The following RAP1B variants were observed in gnomAD, a reference collection of about 807,000 sequenced individuals.
RAP1B encodes ras-related protein Rap-1b.
A neutral mutation model predicts 27.5 loss-of-function variants in RAP1B; 1 was observed. That is an observed-to-expected ratio of 0.04 (90% CI 0.01 to 0.17). The LOEUF is 0.17. RAP1B is among the 10% of genes least tolerant of loss of function. The pLI is 1.00. For synonymous variants in RAP1B, 75 were observed against 73.1 expected (o/e 1.03, Z -0.13); for missense variants, 84 against 214.8 (o/e 0.39, Z 3.81).
At position 68,659,462 on chromosome 12, in the gene RAP1B, C is replaced by T. The variant is rs1874476772; in HGVS notation, c.*213C>T. The T allele has an allele frequency of 8.5e-6, 3 of 352,824 alleles. No individual in the cohort carries two copies. The highest frequency in any genetic ancestry group is 7.8e-5 in the Admixed American group (2 of 25,648). The allele number at this position is 352,824 out of a possible 1,614,324, so 21.9% of individuals were successfully genotyped here. On this transcript the variant is annotated 3_prime_UTR_variant, in exon 8 of 8. Transcript: ENST00000250559. ...GAGAGATTTTTACTTATATAATAGTCCTAGAGTTTGCAGCTGGTAAAACCA... is the reference window on the plus strand; with the variant it reads ...GAGAGATTTTTACTTATATAATAGTTCTAGAGTTTGCAGCTGGTAAAACCA...
In RAP1B at chr12:68,671,234, G is replaced by A. The variant is rs1007758296; in HGVS notation, c.*11985G>A. 8 of 152,128 alleles carry A rather than the reference G, an allele frequency of 5.3e-5. No individual in the cohort carries two copies. The highest frequency in any genetic ancestry group is 3.3e-4 in the Admixed American group (5 of 15,280). The allele number at this position is 152,128 out of a possible 1,614,324, so 9.4% of individuals were successfully genotyped here. ...GAGAACACTACAGTCCCAGAAGAGA[G>A]GTAAAGGGCAAGAAATGAATCATTT... On this transcript the variant is annotated 3_prime_UTR_variant, in exon 8 of 8. Coordinates refer to ENST00000250559, the MANE Select transcript of RAP1B (RefSeq NM_001010942.3).
Position 68,654,360 on chromosome 12 carries a change from G to GGGT in RAP1B, c.324+109_324+110insGTG, listed in dbSNP as rs879080505. The stretch of plus-strand genomic sequence containing the variant: ...GCTTGTGTATTTTGGTTGGGGGGGG[G>GGGT]GTGTTGGTTTTTTTAAACTTTTTCC... On this transcript the variant is annotated intron_variant, in intron 5 of 7. Transcript: ENST00000250559. 6.4e-3 allele frequency: 2,757 copies of GGGT among 432,180 alleles called. 35 individuals are homozygous for GGGT. The highest frequency in any genetic ancestry group is 0.012 in the Admixed American group (264 of 22,626). The allele number at this position is 432,180 out of a possible 1,614,324, so 26.8% of individuals were successfully genotyped here.
At chr12:68,639,286 A>G (rs988634237) in intron 1 of RAP1B, among the ~76,000 whole-genome samples, 6 of 152,192 alleles carry the variant, frequency 3.9e-5, no homozygotes, top group Non-Finnish European at 8.8e-5. Flanking sequence ...CTGAGTGTTC[A>G]GTATTTCCCC....
intron 1 of RAP1B, among the ~76,000 whole-genome samples, chr12:68,611,456 G>T (rs892900361): frequency 4.1e-5 from 6 of 146,018 alleles, no homozygotes. Flanking sequence ...GAGCCCCCTC[G>T]CTTGTCGCCT....
At chr12:68,611,116 GGGA>G (rs1353232147) in intron 1 of RAP1B, 73 bp downstream of exon 1, 1 of 173,196 alleles carries the variant, frequency 5.8e-6, no homozygotes, top group Non-Finnish European at 1.2e-5. Context: ...GCCGGCTGAG[GGGA>G]GCGGGTGGGG....
At chr12:68,651,709 T>TC in intron 3 of RAP1B, 1 of 342,826 alleles carries the variant, frequency 2.9e-6, no homozygotes. Flanking sequence ...ACTATTTTTT[T>TC]CTCTAGAATT....
chr12:68,654,455 T>A (rs1874054904), intron 5 of RAP1B, among the ~76,000 whole-genome samples: 1 of 151,964 alleles, frequency 6.6e-6, no homozygotes, highest in African/African-American at 2.4e-5. Flanking sequence ...TTTCCTCCTT[T>A]GCCATTATCC....
chr12:68,653,124 G>A (rs1277313445), intron 4 of RAP1B, among the ~76,000 whole-genome samples: 1 of 152,208 alleles, frequency 6.6e-6, no homozygotes, highest in East Asian at 1.9e-4. Flanking sequence ...CAGGAGAATC[G>A]CTTGAACCCT....
intron 1 of RAP1B, among the ~76,000 whole-genome samples, chr12:68,611,403 C>G (rs934794801): frequency 6.7e-6 from 1 of 149,222 alleles, no homozygotes; most frequent in Non-Finnish European, 1.5e-5. Flanking sequence ...TCCCGCCGCC[C>G]TCCTTTCCCC....
intron 1 of RAP1B, among the ~76,000 whole-genome samples, chr12:68,622,136 A>ACTC (rs1565657819): frequency 1.3e-5 from 2 of 152,226 alleles, no homozygotes; most frequent in South Asian, 2.1e-4. Context: ...GAACAAGTTA[A>ACTC]CTCCTCTCTT....
intron 1 of RAP1B, among the ~76,000 whole-genome samples, chr12:68,641,801 AAAAC>A (rs1406556782): frequency 6.6e-6 from 1 of 152,158 alleles, no homozygotes; most frequent in African/African-American, 2.4e-5. Flanking sequence ...GTAAAAAAAA[AAAAC>A]AGTGTAGAAA....
Position 68,650,483 on chromosome 12 carries a change from G to T in RAP1B, c.126+15G>T. The T allele has an allele frequency of 6.8e-7, 1 of 1,473,702 alleles. No homozygotes were observed. Among genetic ancestry groups the T allele is most frequent in the Non-Finnish European group, 9.0e-7 (1 of 1,105,120 alleles). 91.3% of individuals were successfully genotyped at this position (1,473,702 alleles called of 1,614,324 possible). On this transcript the variant is annotated intron_variant, in intron 3 of 7. Transcript: ENST00000250559. ...CTTATAGAAAGGTATATATTACTTT[G>T]GAAGGCCTTTTGCTTTTGATTTTAA...
rs1184635471 is a variant in RAP1B, at chr12:68,610,975, G to A, written c.-95G>A. On this transcript the variant is annotated 5_prime_UTR_variant, in exon 1 of 8. Transcript: ENST00000250559. Reference sequence around the variant, plus strand: ...GCGGCAGCGGCAGGACCGCCGTGGCGCCTAGAGTAGCGACCCGGGGGGAGC... The same window carrying A: ...GCGGCAGCGGCAGGACCGCCGTGGCACCTAGAGTAGCGACCCGGGGGGAGC... 2.8e-5 allele frequency: 9 copies of A among 317,316 alleles called. No homozygotes were observed. Among genetic ancestry groups the A allele is most frequent in the Non-Finnish European group, 5.2e-5 (9 of 173,182 alleles). 19.7% of individuals were successfully genotyped at this position (317,316 alleles called of 1,614,324 possible).
intron 1 of RAP1B, among the ~76,000 whole-genome samples, chr12:68,635,472 T>C (rs185215829): frequency 1.3e-5 from 2 of 152,310 alleles, no homozygotes; most frequent in South Asian, 2.1e-4. Context: ...AGGCCTCTTT[T>C]TTTGAGACAG....
At chr12:68,641,924 C>T in intron 1 of RAP1B, among the ~76,000 whole-genome samples, 1 of 152,116 alleles carries the variant, frequency 6.6e-6, no homozygotes, top group Non-Finnish European at 1.5e-5. Context: ...CAGTGTGAAT[C>T]ATGCATAAAG....
chr12:68,641,484 G>A (rs754010649), intron 1 of RAP1B, among the ~76,000 whole-genome samples: 7 of 152,230 alleles, frequency 4.6e-5, no homozygotes, highest in Non-Finnish European at 8.8e-5. Flanking sequence ...ATAAAACTAC[G>A]GTCTGTAGAG....
rs374393809 is a variant in RAP1B, at chr12:68,657,111, A to C, written c.479A>C (p.Asp160Ala). The stretch of plus-strand genomic sequence containing the variant: ...TTATTGTATTTGCAGATCTTTTATG[A>C]CCTAGTGCGGCAAATTAACAGAAAA... ...SKINVNEIFYDLVRQINRKTP... is the reference protein window; with the variant it reads ...SKINVNEIFYALVRQINRKTP... Residue 160 changes from aspartate (D) to alanine (A), a missense_variant, in exon 7 of 8, where the codon GAC becomes GCC. By Grantham distance (126) the Asp-to-Ala change is moderately radical. Transcript: ENST00000250559. 6.2e-7 allele frequency: 1 copy of C among 1,613,024 alleles called. No homozygotes were observed. Among genetic ancestry groups the C allele is most frequent in the African/African-American group, 1.3e-5 (1 of 74,886 alleles).
chr12:68,655,007 G>A (rs1170086444), intron 5 of RAP1B, among the ~76,000 whole-genome samples: 2 of 152,078 alleles, frequency 1.3e-5, no homozygotes, highest in Non-Finnish European at 2.9e-5. Flanking sequence ...TGGTTTTGCT[G>A]ATCTGCATAC....
In RAP1B at chr12:68,617,205, A is replaced by G. The variant is rs117333300; in HGVS notation, c.-27+6162A>G. Among the ~76,000 whole-genome samples, 29 of 152,318 alleles carry G rather than the reference A, an allele frequency of 1.9e-4. 1 individual carries two copies. The East Asian group carries it at 5.4e-3, about 28-fold the overall frequency. ...CAATAAAATAAGGACTATATATATA[A>G]TCTATTTTTACTTAGTTTTTATGCG... is the stretch of plus-strand genomic sequence containing the variant. On this transcript the variant is annotated intron_variant, in intron 1 of 7. Transcript: ENST00000250559.
Sources: gnomAD v4.1 joint callset for allele counts (sites outside exome capture counted in the v4.1 genomes callset) on GRCh38, gnomAD v4.1.1 for gene constraint, MANE v1.5 for transcripts, NCBI Gene and HGNC (gene_info 2026-07-23, HGNC 2026-07-21) for gene names.